The following MME variants were observed in gnomAD, a reference collection of about 807,000 sequenced individuals.
The protein encoded by MME is neprilysin.
MME carries 98 observed loss-of-function variants against 113.2 expected under a neutral mutation model. The observed-to-expected ratio is 0.87, with a 90% confidence interval of 0.74 to 1.02. The LOEUF is 1.02. MME is among the 50% of genes least tolerant of loss of function. The pLI is 0.00. For missense variants in MME, 836 were observed against 896.0 expected, an observed-to-expected ratio of 0.93 and a Z score of 0.86; for synonymous variants, 292 against 300.6, an observed-to-expected ratio of 0.97 and a Z score of 0.30.
At chr3:155,026,595 G>A (rs137871962) in intron 1 of MME, among the ~76,000 whole-genome samples, 7 of 152,184 alleles carry the variant, frequency 4.6e-5, no homozygotes, top group Admixed American at 1.3e-4. Flanking sequence ...GTGGTGGCGC[G>A]TGCCTTTCAT....
chr3:155,061,850 A>G (rs1339356639), intron 1 of MME, among the ~76,000 whole-genome samples: 1 of 151,952 alleles, frequency 6.6e-6, no homozygotes, highest in Non-Finnish European at 1.5e-5. Context: ...CGGTAGACAC[A>G]GGGTTTTGCC....
intron 8 of MME, among the ~76,000 whole-genome samples, chr3:155,125,304 T>C (rs1251643210): frequency 6.1e-5 from 5 of 81,316 alleles, no homozygotes; most frequent in Admixed American, 5.0e-4. Context: ...CCCACTGGCC[T>C]GCGCCCACTG....
chr3:155,027,467 G>A (rs1712825159), intron 1 of MME, among the ~76,000 whole-genome samples: 1 of 152,182 alleles, frequency 6.6e-6, no homozygotes, highest in African/African-American at 2.4e-5. Context: ...GGCTATTAGC[G>A]GATTTCTCCC....
chr3:155,084,389 C>G, intron 2 of MME, 62 bp downstream of exon 2: 2 of 1,528,518 alleles, frequency 1.3e-6, no homozygotes, highest in Non-Finnish European at 1.8e-6. Context: ...TTCCTCCATG[C>G]TTTTACCATC....
At chr3:155,102,751 T>C (rs920271920) in intron 3 of MME, among the ~76,000 whole-genome samples, 2 of 152,230 alleles carry the variant, frequency 1.3e-5, no homozygotes, top group Admixed American at 1.3e-4. Context: ...TTTCCCATGA[T>C]CATTTCCCTC....
At chr3:155,145,227 T>G (rs1349431484) in intron 14 of MME, among the ~76,000 whole-genome samples, 1 of 152,100 alleles carries the variant, frequency 6.6e-6, no homozygotes, top group Admixed American at 6.6e-5. Flanking sequence ...TCCTTTCATG[T>G]CACAGCTGTG....
chr3:155,045,876 G>A (rs1029145187), intron 1 of MME, among the ~76,000 whole-genome samples: 9 of 151,952 alleles, frequency 5.9e-5, no homozygotes, highest in Admixed American at 4.6e-4. Context: ...AAAAGTATGA[G>A]TTTCCCTCTA....
At chr3:155,179,389 T>C (rs1049010740) in intron 22 of MME, among the ~76,000 whole-genome samples, 6 of 152,146 alleles carry the variant, frequency 3.9e-5, no homozygotes, top group African/African-American at 1.4e-4. Flanking sequence ...TGGAATCTGA[T>C]TTAAATTTTA....
chr3:155,182,088 C>T lies in MME; in HGVS notation c.*1629C>T, dbSNP rs1278894776. 1 of 152,142 alleles carries T rather than the reference C, an allele frequency of 6.6e-6. No individual in the cohort carries two copies. Among genetic ancestry groups the T allele is most frequent in the East Asian group, 1.9e-4 (1 of 5,184 alleles). The allele number at this position is 152,142 out of a possible 1,614,324, so 9.4% of individuals were successfully genotyped here. A position where few individuals can be genotyped will look rare whatever the true frequency, so the allele number is the denominator to read the frequency against. ...AGCACCTCCTTGTCACTTTATTACT[C>T]CCAGAACAACAACTATCCTGACTTC... is the stretch of plus-strand genomic sequence containing the variant. On this transcript the variant is annotated 3_prime_UTR_variant, in exon 23 of 23. Transcript: ENST00000360490.
At chr3:155,090,721 A>G (rs570178706) in intron 3 of MME, among the ~76,000 whole-genome samples, 2 of 152,312 alleles carry the variant, frequency 1.3e-5, no homozygotes, top group East Asian at 1.9e-4. Flanking sequence ...ACTGTAGTTG[A>G]CCATGGGTAA....
At chr3:155,111,584 C>T (rs954276310) in intron 3 of MME, among the ~76,000 whole-genome samples, 5 of 152,176 alleles carry the variant, frequency 3.3e-5, no homozygotes, top group Non-Finnish European at 5.9e-5. Flanking sequence ...AATTTGCACT[C>T]ATGATCAGAG....
At chr3:155,095,999 T>C (rs868149708) in intron 3 of MME, among the ~76,000 whole-genome samples, 42 of 151,958 alleles carry the variant, frequency 2.8e-4, no homozygotes, top group African/African-American at 8.7e-4. Context: ...GCCCAACCAG[T>C]GGGAGCAGAG....
chr3:155,165,441 A>G (rs916573000), intron 17 of MME, among the ~76,000 whole-genome samples: 1 of 152,128 alleles, frequency 6.6e-6, no homozygotes, highest in Non-Finnish European at 1.5e-5. Context: ...GGAATGGGGC[A>G]GGGAAGGGGA....
At chr3:155,105,149 C>T (rs926478148) in intron 3 of MME, among the ~76,000 whole-genome samples, 24 of 152,068 alleles carry the variant, frequency 1.6e-4, no homozygotes, top group African/African-American at 5.8e-4. Flanking sequence ...TCACTAATTT[C>T]GGGAGTGCCA....
At chr3:155,053,664 G>A (rs1713833531) in intron 1 of MME, among the ~76,000 whole-genome samples, 1 of 152,176 alleles carries the variant, frequency 6.6e-6, no homozygotes, top group African/African-American at 2.4e-5. Flanking sequence ...ACTGAAAGGG[G>A]CAGAGAGAAG....
At chr3:155,063,855 TG>T (rs1714286432) in intron 1 of MME, among the ~76,000 whole-genome samples, 1 of 151,072 alleles carries the variant, frequency 6.6e-6, no homozygotes, top group Admixed American at 6.7e-5. Flanking sequence ...TGAACTGAAC[TG>T]TTTTGCCCTC....
intron 12 of MME, 63 bp downstream of exon 12, chr3:155,142,393 CT>C: frequency 7.5e-7 from 1 of 1,339,048 alleles, no homozygotes; most frequent in Non-Finnish European, 1.1e-6. Flanking sequence ...GTTATGAAGG[CT>C]TACCATGTAC....
intron 10 of MME, among the ~76,000 whole-genome samples, chr3:155,140,807 T>G (rs1721019767): frequency 6.6e-6 from 1 of 152,198 alleles, no homozygotes; most frequent in Admixed American, 6.5e-5. Flanking sequence ...GAGGCCATTA[T>G]GTAGTCATCA....
chr3:155,160,575 C>A, intron 17 of MME, 127 bp downstream of exon 17: 2 of 678,504 alleles, frequency 2.9e-6, no homozygotes, highest in African/African-American at 1.8e-5. Flanking sequence ...CTATTGAATG[C>A]ATTTCTTGAA....
Sources: gnomAD v4.1 joint callset for allele counts (sites outside exome capture counted in the v4.1 genomes callset) on GRCh38, gnomAD v4.1.1 for gene constraint, MANE v1.5 for transcripts, NCBI Gene and HGNC (gene_info 2026-07-23, HGNC 2026-07-21) for gene names.